Variants in DIAPH2 observed in about 807,000 individuals in gnomAD.
DIAPH2 encodes the protein diaphanous related formin 2.
Under a neutral mutation model 92.7 loss-of-function variants are expected in DIAPH2, and 35 were observed. The ratio of observed to expected loss-of-function variants is 0.38; its 90% CI spans 0.29 to 0.50. DIAPH2 has a LOEUF of 0.50. Among genes scored for constraint, DIAPH2 ranks in the 20% least tolerant of loss-of-function variants. The pLI is 0.94. For missense variants in DIAPH2, 701 were observed against 819.5 expected, an observed-to-expected ratio of 0.86 and a Z score of 1.77; for synonymous variants, 301 against 280.4, an observed-to-expected ratio of 1.07 and a Z score of -0.73.
At chrX:97,180,148 C>CA (rs1373366127) in intron 22 of DIAPH2, among the ~76,000 whole-genome samples, 2 of 112,311 alleles carry the variant, frequency 1.8e-5, no homozygotes, top group Non-Finnish European at 3.8e-5. Flanking sequence ...CTGTCTTTCA[C>CA]AACGGTTGAA....
chrX:97,321,368 T>C (rs2068892470), intron 23 of DIAPH2, among the ~76,000 whole-genome samples: 1 of 110,498 alleles, frequency 9.0e-6, no homozygotes, highest in Non-Finnish European at 1.9e-5. Context: ...AAGGTGTTTA[T>C]TATTATCATA....
At chrX:96,842,489 GT>G (rs1263310854) in intron 4 of DIAPH2, among the ~76,000 whole-genome samples, 1 of 112,010 alleles carries the variant, frequency 8.9e-6, no homozygotes, top group African/African-American at 3.2e-5. Flanking sequence ...GGAGTTATAT[GT>G]TTGCATTTTT....
rs141453700 is a variant in DIAPH2 at position 97,362,516 on chromosome X, G to A, written c.3009+14236G>A. ...CTTCACTGTTTGCGTTCTGTCTTTCGCTAGAATATACTTACACAAGGACAT... is the reference window on the plus strand; with the variant it reads ...CTTCACTGTTTGCGTTCTGTCTTTCACTAGAATATACTTACACAAGGACAT... On this transcript the variant is annotated intron_variant, in intron 24 of 26. Coordinates refer to ENST00000324765, the MANE Select transcript of DIAPH2 (RefSeq NM_006729.5). 6.0e-3 allele frequency among the ~76,000 whole-genome samples: 672 copies of A among 111,938 alleles called. 2 individuals are homozygous for A. The highest frequency in any genetic ancestry group is 0.02 in the African/African-American group (631 of 30,895).
intron 17 of DIAPH2, among the ~76,000 whole-genome samples, chrX:96,977,635 A>G (rs1163637132): frequency 1.8e-5 from 2 of 111,749 alleles, no homozygotes; most frequent in African/African-American, 6.5e-5. Flanking sequence ...TTTCTAAGTC[A>G]TATAGCTTCT....
intron 26 of DIAPH2, among the ~76,000 whole-genome samples, chrX:97,476,944 C>CA (rs958991841): frequency 3.0e-4 from 4 of 13,398 alleles, no homozygotes; most frequent in African/African-American, 1.5e-3. Context: ...AACTCTGTCT[C>CA]AAAAAAAAAA....
chrX:97,556,763 G>A (rs1220612958), intron 26 of DIAPH2, among the ~76,000 whole-genome samples: 1 of 112,059 alleles, frequency 8.9e-6, no homozygotes, highest in Non-Finnish European at 1.9e-5. Flanking sequence ...CCCACAACAG[G>A]TACCTTTTTT....
intron 24 of DIAPH2, among the ~76,000 whole-genome samples, chrX:97,375,868 T>C (rs2069495271): frequency 9.0e-6 from 1 of 111,517 alleles, no homozygotes; most frequent in Non-Finnish European, 1.9e-5. Context: ...TCAGTAAAGA[T>C]GGGAAAAGTA....
Position 97,427,662 on chromosome X carries a change from G to GTTTTTGTT in DIAPH2, c.3146-1984_3146-1977dup, listed in dbSNP as rs753692730. Among the ~76,000 whole-genome samples the GTTTTTGTT allele has an allele frequency of 4.2e-4, 18 of 43,140 alleles. No homozygotes were observed. The Admixed American group carries it at 4.5e-3, about 11-fold the overall frequency. The allele number at this position is 43,140 out of a possible 115,157, so 37.5% of individuals were successfully genotyped here. A position where few individuals can be genotyped will look rare whatever the true frequency, so the allele number is the denominator to read the frequency against. ...TAATGAATGTTGTTTTGTTTGTTTT[G>GTTTTTGTT]TTTTTGTTTTTGTTTTTGTTTTTGT... On this transcript the variant is annotated intron_variant, in intron 25 of 26. Coordinates refer to ENST00000324765, the MANE Select transcript of DIAPH2 (RefSeq NM_006729.5).
At position 96,950,010 on chromosome X, in the gene DIAPH2, C is replaced by T. The variant is rs184021936; in HGVS notation, c.1614+971C>T. ...CCAACAAACTCCATAATACCCAATC[C>T]GGGGGCCTTTTCCTACCCTTAGCCT... On this transcript the variant is annotated intron_variant, in intron 15 of 26. Coordinates refer to ENST00000324765, the MANE Select transcript of DIAPH2 (RefSeq NM_006729.5). Among the ~76,000 whole-genome samples, 154 of 111,170 alleles carry T rather than the reference C, an allele frequency of 1.4e-3. No individual in the cohort carries two copies. The Middle Eastern group carries it at 0.014, about 10-fold the overall frequency.
chrX:96,836,700 T>TATATATATATACATAC (rs1188206180), intron 4 of DIAPH2, among the ~76,000 whole-genome samples: 5 of 20,732 alleles, frequency 2.4e-4, no homozygotes, highest in African/African-American at 1.1e-3. Flanking sequence ...TATATATATA[T>TATATATATATACATAC]ATATATATAT....
At chrX:97,345,162 C>T (rs868423767) in intron 23 of DIAPH2, among the ~76,000 whole-genome samples, 44 of 111,724 alleles carry the variant, frequency 3.9e-4, no homozygotes, top group Admixed American at 2.9e-4. Context: ...TGAAGCATTA[C>T]GTGTACCCTT....
At chrX:97,305,226 C>T (rs1602494176) in intron 23 of DIAPH2, among the ~76,000 whole-genome samples, 1 of 111,986 alleles carries the variant, frequency 8.9e-6, no homozygotes, top group African/African-American at 3.2e-5. Flanking sequence ...GGCGCGGTGG[C>T]TCATGCCTGT....
At chrX:97,464,297 TAAAAAAAAAAAAAAA>T (rs753355896) in intron 26 of DIAPH2, among the ~76,000 whole-genome samples, 3 of 32,948 alleles carry the variant, frequency 9.1e-5, no homozygotes, top group Admixed American at 5.3e-4. Flanking sequence ...CCATCTCTAC[TAAAAAAAAAAAAAAA>T]AAAAAAAAAA....
In DIAPH2 at chrX:96,992,068, A is replaced by G. The variant is rs925979973; in HGVS notation, c.2050+26861A>G. Among the ~76,000 whole-genome samples the G allele has an allele frequency of 2.7e-5, 3 of 110,952 alleles. No homozygotes were observed. In the Admixed American group the frequency reaches 2.9e-4, roughly 11 times the overall value. ...TAGGTGGTCAAACACATTGAGACCC[A>G]TACCCTGACTAAATTTTCATAATCC... On this transcript the variant is annotated intron_variant, in intron 17 of 26. Coordinates refer to ENST00000324765, the MANE Select transcript of DIAPH2 (RefSeq NM_006729.5).
At chrX:97,428,840 C>A (rs766596574) in intron 25 of DIAPH2, among the ~76,000 whole-genome samples, 34 of 111,913 alleles carry the variant, frequency 3.0e-4, no homozygotes, top group African/African-American at 1.1e-3. Context: ...CCATTGACAC[C>A]TTGAGACAAA....
intron 26 of DIAPH2, among the ~76,000 whole-genome samples, chrX:97,438,359 GTTTTTTTT>G (rs1238654436): frequency 2.9e-5 from 1 of 34,580 alleles, no homozygotes; most frequent in Non-Finnish European, 4.8e-5. Flanking sequence ...TTGTTTGTTT[GTTTTTTTT>G]TTTTTTTTTT....
At chrX:96,742,015 C>T (rs770998651) in intron 3 of DIAPH2, among the ~76,000 whole-genome samples, 1 of 111,330 alleles carries the variant, frequency 9.0e-6, no homozygotes, top group East Asian at 2.8e-4. Context: ...TATTAAACTT[C>T]ATAACCAACA....
At chrX:97,433,170 G>T (rs1280643542) in intron 26 of DIAPH2, among the ~76,000 whole-genome samples, 3 of 110,492 alleles carry the variant, frequency 2.7e-5, no homozygotes, top group Non-Finnish European at 5.7e-5. Flanking sequence ...GCATTTCAAG[G>T]TAGACTATCA....
intron 2 of DIAPH2, among the ~76,000 whole-genome samples, chrX:96,737,369 G>A (rs887924668): frequency 8.9e-6 from 1 of 112,103 alleles, no homozygotes; most frequent in Non-Finnish European, 1.9e-5. Flanking sequence ...GCTCATTAAT[G>A]AGGAGTTCAC....
Sources: allele counts gnomAD v4.1 joint callset (sites outside exome capture counted in the v4.1 genomes callset), GRCh38; gene constraint gnomAD v4.1.1; transcripts MANE v1.5; gene names NCBI Gene and HGNC (gene_info 2026-07-23, HGNC 2026-07-21).